Variants in SCLY observed in about 807,000 individuals in gnomAD.
The protein encoded by SCLY is selenocysteine lyase.
In SCLY, 38 loss-of-function variants were observed where a neutral mutation model predicts 50.1. The ratio of observed to expected loss-of-function variants is 0.76; its 90% CI spans 0.59 to 0.99. The LOEUF is 0.99. Among genes scored for constraint, SCLY ranks in the 50% least tolerant of loss-of-function variants. The pLI is 0.00. For synonymous variants in SCLY, 243 were observed against 249.4 expected (o/e 0.97, Z 0.24); for missense variants, 600 against 620.0 (o/e 0.97, Z 0.34).
At chr2:238,093,464 C>T (rs986915030) in intron 8 of SCLY, 4 of 254,360 alleles carry the variant, frequency 1.6e-5, no homozygotes, top group South Asian at 5.5e-5. Context: ...CTTGCTGGGA[C>T]GCCATTCCCT....
chr2:238,098,512 C>T lies in SCLY; in HGVS notation c.*157C>T, dbSNP rs1422840947. On this transcript the variant is annotated 3_prime_UTR_variant, in exon 12 of 12. Coordinates refer to ENST00000254663, the MANE Select transcript of SCLY (RefSeq NM_016510.7). ...CCAGCGAGTGTGCACCCCCAGTTTCCTTCCCTGGACCCCTGCAGAGCTCAC... is the reference window on the plus strand; with the variant it reads ...CCAGCGAGTGTGCACCCCCAGTTTCTTTCCCTGGACCCCTGCAGAGCTCAC... 2.3e-6 allele frequency: 2 copies of T among 868,314 alleles called. No individual in the cohort carries two copies. Among genetic ancestry groups the T allele is most frequent in the Non-Finnish European group, 3.4e-6 (2 of 585,326 alleles). The allele number at this position is 868,314 out of a possible 1,614,324, so 53.8% of individuals were successfully genotyped here. A position where few individuals can be genotyped will look rare whatever the true frequency, so the allele number is the denominator to read the frequency against.
chr2:238,081,606 ATTTACT>A, intron 4 of SCLY, 97 bp from the exon 5 acceptor site: 1 of 1,478,088 alleles, frequency 6.8e-7, no homozygotes, highest in African/African-American at 1.4e-5. Flanking sequence ...TTGGACAACA[ATTTACT>A]TTTATAGTTG....
intron 4 of SCLY, among the ~76,000 whole-genome samples, chr2:238,075,521 G>C (rs1177768316): frequency 1.3e-5 from 2 of 152,152 alleles, no homozygotes; most frequent in Non-Finnish European, 2.9e-5. Flanking sequence ...TCTCTTTGTG[G>C]AGAATTTTTA....
chr2:238,061,961 CAG>C (rs1172782227), intron 1 of SCLY, among the ~76,000 whole-genome samples: 1 of 152,124 alleles, frequency 6.6e-6, no homozygotes, highest in Non-Finnish European at 1.5e-5. Flanking sequence ...TGAGGGGGTC[CAG>C]GCCTAAAGCA....
intron 1 of SCLY, among the ~76,000 whole-genome samples, chr2:238,063,589 C>T (rs2065039765): frequency 6.6e-6 from 1 of 152,096 alleles, no homozygotes; most frequent in African/African-American, 2.4e-5. Context: ...GAACAAAGAC[C>T]TAAAAAAGTA....
chr2:238,062,315 G>A (rs1302689556), intron 1 of SCLY, among the ~76,000 whole-genome samples: 1 of 152,134 alleles, frequency 6.6e-6, no homozygotes, highest in Non-Finnish European at 1.5e-5. Flanking sequence ...AAGTCAAGCC[G>A]GGCTGGGGGA....
chr2:238,091,561 G>GCTCTCTTT, intron 8 of SCLY: 1 of 302,724 alleles, frequency 3.3e-6, no homozygotes. Flanking sequence ...ATTCCCAAAG[G>GCTCTCTTT]CGTCGGCAGC....
chr2:238,092,763 C>T, intron 8 of SCLY: 1 of 153,066 alleles, frequency 6.5e-6, no homozygotes, highest in Non-Finnish European at 1.5e-5. Flanking sequence ...GCGCTCTAGA[C>T]AGCCCCCCTC....
intron 9 of SCLY, 129 bp from the exon 10 acceptor site, chr2:238,094,291 T>C (rs555395314): frequency 1.3e-6 from 1 of 788,598 alleles, no homozygotes; most frequent in South Asian, 1.7e-5. Flanking sequence ...CCGTAACTAT[T>C]CTGGGTAGAT....
intron 2 of SCLY, chr2:238,064,921 C>T (rs568008807): frequency 7.9e-5 from 12 of 152,132 alleles, no homozygotes; most frequent in South Asian, 6.2e-4. Flanking sequence ...TATTTGTTTC[C>T]AATTTATTCT....
At chr2:238,091,559 A>ATCTACACTTCTT in intron 8 of SCLY, 1 of 322,630 alleles carries the variant, frequency 3.1e-6, no homozygotes, top group Admixed American at 4.5e-5. Flanking sequence ...CCATTCCCAA[A>ATCTACACTTCTT]GGCGTCGGCA....
chr2:238,095,424 C>G (rs938297963), intron 10 of SCLY: 2 of 152,190 alleles, frequency 1.3e-5, no homozygotes, highest in African/African-American at 4.8e-5. Context: ...CGATGAGCTG[C>G]ATCTGTAAAC....
At chr2:238,073,681 A>G (rs539767563) in intron 4 of SCLY, 14 of 450,108 alleles carry the variant, frequency 3.1e-5, no homozygotes, top group South Asian at 2.3e-4. Flanking sequence ...CTTGAACAAC[A>G]TGGGTTTGAA....
In SCLY at chr2:238,098,454, T is replaced by A. The variant is rs962697506; in HGVS notation, c.*99T>A. 9.9e-6 allele frequency: 13 copies of A among 1,309,966 alleles called. No individual in the cohort carries two copies. Among genetic ancestry groups the A allele is most frequent in the Non-Finnish European group, 1.3e-5 (13 of 977,048 alleles). The allele number at this position is 1,309,966 out of a possible 1,614,324, so 81.1% of individuals were successfully genotyped here. A position where few individuals can be genotyped will look rare whatever the true frequency, so the allele number is the denominator to read the frequency against. ...CCTGAGGGCTGTGCCAGGATGACTGTCTCATGCCCCCTCTGCATTTTGTCC... is the reference window on the plus strand; with the variant it reads ...CCTGAGGGCTGTGCCAGGATGACTGACTCATGCCCCCTCTGCATTTTGTCC... On this transcript the variant is annotated 3_prime_UTR_variant, in exon 12 of 12. Coordinates refer to ENST00000254663, the MANE Select transcript of SCLY (RefSeq NM_016510.7).
intron 8 of SCLY, chr2:238,091,873 G>A (rs1025511166): frequency 4.5e-5 from 7 of 155,674 alleles, no homozygotes; most frequent in Admixed American, 3.8e-4. Context: ...CCTATCTGAT[G>A]TTTCTCTGTA....
At chr2:238,089,731 G>C (rs559418262) in intron 7 of SCLY, among the ~76,000 whole-genome samples, 1 of 151,322 alleles carries the variant, frequency 6.6e-6, no homozygotes, top group East Asian at 1.9e-4. Context: ...GTGGCCTAGG[G>C]AAGCCAAAGC....
intron 5 of SCLY, 64 bp from the exon 6 acceptor site, chr2:238,081,981 A>G (rs2065242621): frequency 1.9e-6 from 3 of 1,584,492 alleles, no homozygotes; most frequent in Admixed American, 1.7e-5. Flanking sequence ...ACTACTCCTG[A>G]TTTCTGTCAT....
At chr2:238,076,012 C>A (rs960784293) in intron 4 of SCLY, among the ~76,000 whole-genome samples, 1 of 137,366 alleles carries the variant, frequency 7.3e-6, no homozygotes, top group Non-Finnish European at 1.6e-5. Context: ...TAAATGGGTT[C>A]TTTCTTTCTA....
chr2:238,079,631 G>A (rs1486011913), intron 4 of SCLY: 4 of 152,152 alleles, frequency 2.6e-5, no homozygotes, highest in East Asian at 1.9e-4. Flanking sequence ...TCAGTTAAGA[G>A]AAGCAATATA....
Sources: gnomAD v4.1 joint callset for allele counts (sites outside exome capture counted in the v4.1 genomes callset) on GRCh38, gnomAD v4.1.1 for gene constraint, MANE v1.5 for transcripts, NCBI Gene and HGNC (gene_info 2026-07-23, HGNC 2026-07-21) for gene names.